TOX: variants seen among roughly 807,000 people sequenced by gnomAD.
TOX encodes thymocyte selection associated high mobility group box.
Under a neutral mutation model 53.7 loss-of-function variants are expected in TOX, and 11 were observed. The ratio of observed to expected loss-of-function variants is 0.20; its 90% CI spans 0.13 to 0.34. The LOEUF (loss-of-function observed/expected upper bound fraction) is 0.34, where lower values mean the gene tolerates loss of function less well. Among genes scored for constraint, TOX ranks in the 10% least tolerant of loss-of-function variants. The pLI, the probability that TOX is intolerant of heterozygous loss-of-function variation, is 1.00. For synonymous variants in TOX, 225 were observed against 245.3 expected, an observed-to-expected ratio of 0.92 and a Z score of 0.77; for missense variants, 570 against 664.6, an observed-to-expected ratio of 0.86 and a Z score of 1.56.
At chr8:59,069,380 G>A (rs73256316) in intron 1 of TOX, among the ~76,000 whole-genome samples, 9,213 of 152,208 alleles carry the variant, frequency 0.061, 973 homozygotes, top group African/African-American at 0.21. Flanking sequence ...GGCTTGGGAG[G>A]AGAGGTGTTA....
intron 5 of TOX, among the ~76,000 whole-genome samples, chr8:58,828,527 C>A (rs1810400455): frequency 6.6e-6 from 1 of 151,466 alleles, no homozygotes; most frequent in African/African-American, 2.4e-5. Context: ...TCCTTTGGTT[C>A]AAGCACAGGA....
intron 3 of TOX, among the ~76,000 whole-genome samples, chr8:58,872,882 C>G (rs1811221609): frequency 6.6e-6 from 1 of 152,020 alleles, no homozygotes; most frequent in South Asian, 2.1e-4. Flanking sequence ...TAAGAAGCTA[C>G]CAATATTGAT....
intron 1 of TOX, among the ~76,000 whole-genome samples, chr8:59,002,290 A>T (rs1038838960): frequency 1.9e-4 from 27 of 145,534 alleles, no homozygotes; most frequent in African/African-American, 6.0e-4. Flanking sequence ...ACTTTTCTTT[A>T]AAAAAAAAAT....
intron 1 of TOX, among the ~76,000 whole-genome samples, chr8:59,050,124 T>C (rs878930532): frequency 6.6e-6 from 1 of 152,164 alleles, no homozygotes; most frequent in African/African-American, 2.4e-5. Context: ...TCCTAAGCCT[T>C]GTGCTAAATA....
chr8:59,040,171 T>C (rs2129420633), intron 1 of TOX, among the ~76,000 whole-genome samples: 1 of 151,366 alleles, frequency 6.6e-6, no homozygotes, highest in East Asian at 1.9e-4. Flanking sequence ...CTACTAAAAA[T>C]ACAAAAAATT....
At chr8:59,049,343 C>T (rs879619509) in intron 1 of TOX, among the ~76,000 whole-genome samples, 3 of 152,104 alleles carry the variant, frequency 2.0e-5, no homozygotes, top group Non-Finnish European at 4.4e-5. Context: ...TTCGTTGGAT[C>T]ACAAAGACCC....
At chr8:59,050,305 A>C (rs1803764440) in intron 1 of TOX, among the ~76,000 whole-genome samples, 1 of 152,154 alleles carries the variant, frequency 6.6e-6, no homozygotes, top group African/African-American at 2.4e-5. Flanking sequence ...ACTCCAAGCA[A>C]AGTTTTATTC....
chr8:58,845,107 A>C (rs546456268), intron 4 of TOX, among the ~76,000 whole-genome samples: 1 of 152,290 alleles, frequency 6.6e-6, no homozygotes, highest in Admixed American at 6.5e-5. Flanking sequence ...AGAATCACTG[A>C]TATTGAAATG....
At chr8:58,904,861 G>A (rs1811786841) in intron 3 of TOX, among the ~76,000 whole-genome samples, 1 of 152,222 alleles carries the variant, frequency 6.6e-6, no homozygotes, top group Non-Finnish European at 1.5e-5. Flanking sequence ...ACGCTGCAGA[G>A]GGAATAGAAC....
At chr8:58,869,966 T>A (rs1454750785) in intron 3 of TOX, among the ~76,000 whole-genome samples, 1 of 152,032 alleles carries the variant, frequency 6.6e-6, no homozygotes, top group Non-Finnish European at 1.5e-5. Flanking sequence ...ATGGTTGATA[T>A]CATACTTAAT....
At chr8:58,814,194 C>A (rs770365023) in intron 7 of TOX, among the ~76,000 whole-genome samples, 1 of 152,074 alleles carries the variant, frequency 6.6e-6, no homozygotes, top group African/African-American at 2.4e-5. Flanking sequence ...TATTTGATTT[C>A]TTTTTCTGCC....
intron 7 of TOX, among the ~76,000 whole-genome samples, chr8:58,813,031 G>C (rs552637476): frequency 3.9e-4 from 59 of 152,198 alleles, no homozygotes; most frequent in Non-Finnish European, 7.5e-4. Context: ...TATGCCATTT[G>C]GGTAAATTGT....
At chr8:58,830,253 CCTAA>C (rs987670468) in intron 5 of TOX, among the ~76,000 whole-genome samples, 1 of 152,088 alleles carries the variant, frequency 6.6e-6, no homozygotes, top group African/African-American at 2.4e-5. Flanking sequence ...TTCATCCTGT[CCTAA>C]CTAAGTTATA....
intron 1 of TOX, among the ~76,000 whole-genome samples, chr8:58,995,301 A>C (rs1359488705): frequency 6.6e-6 from 1 of 152,162 alleles, no homozygotes; most frequent in Non-Finnish European, 1.5e-5. Flanking sequence ...TAGCTCCTTT[A>C]CTTCCCAAAG....
At chr8:58,986,113 T>C (rs1261870356) in intron 1 of TOX, among the ~76,000 whole-genome samples, 1 of 152,206 alleles carries the variant, frequency 6.6e-6, no homozygotes, top group African/African-American at 2.4e-5. Context: ...CACTACTCTT[T>C]TAAAACATAG....
intron 1 of TOX, among the ~76,000 whole-genome samples, chr8:59,055,959 A>T (rs1803881718): frequency 6.6e-6 from 1 of 152,150 alleles, no homozygotes; most frequent in Non-Finnish European, 1.5e-5. Context: ...TACCCCTTAT[A>T]AGTCCTAAAA....
chr8:59,014,515 A>T (rs1813973259), intron 1 of TOX, among the ~76,000 whole-genome samples: 1 of 152,244 alleles, frequency 6.6e-6, no homozygotes. Context: ...CTAGAACTGG[A>T]AAGCTTCCTA....
At chr8:59,069,580 C>A (rs1563436489) in intron 1 of TOX, among the ~76,000 whole-genome samples, 1 of 152,116 alleles carries the variant, frequency 6.6e-6, no homozygotes, top group African/African-American at 2.4e-5. Flanking sequence ...AGAAAGGAGA[C>A]CAGCCCCAGG....
At chr8:59,003,368 G>A (rs1052093029) in intron 1 of TOX, among the ~76,000 whole-genome samples, 1 of 152,154 alleles carries the variant, frequency 6.6e-6, no homozygotes, top group African/African-American at 2.4e-5. Context: ...AGCTGTTACA[G>A]TTTATTACAC....
Sources: allele counts gnomAD v4.1 joint callset (sites outside exome capture counted in the v4.1 genomes callset), GRCh38; gene constraint gnomAD v4.1.1; transcripts MANE v1.5; gene names NCBI Gene and HGNC (gene_info 2026-07-23, HGNC 2026-07-21).